BCO2: variants seen among roughly 807,000 people sequenced by gnomAD.
BCO2 encodes carotenoid-cleaving dioxygenase, mitochondrial.
A neutral mutation model predicts 65.8 loss-of-function variants in BCO2; 56 were observed. The ratio of observed to expected loss-of-function variants is 0.85; its 90% confidence interval spans 0.69 to 1.06. The LOEUF (loss-of-function observed/expected upper bound fraction) is 1.06, where lower values mean the gene tolerates loss of function less well. Ranked by LOEUF, BCO2 falls within the 50% of genes least tolerant of loss-of-function variation. BCO2 has a pLI of 0.00. For missense variants in BCO2, 675 were observed against 698.5 expected, an observed-to-expected ratio of 0.97 and a Z score of 0.38; for synonymous variants, 233 against 242.3, an observed-to-expected ratio of 0.96 and a Z score of 0.36.
chr11:112,184,830 A>G (rs1025372860), intron 2 of BCO2, among the ~76,000 whole-genome samples: 5 of 152,266 alleles, frequency 3.3e-5, no homozygotes, highest in South Asian at 2.1e-4. Context: ...GCTGTGTCCA[A>G]ATGGGTTCTG....
chr11:112,208,966 AT>A (rs1400308234), intron 8 of BCO2: 1 of 153,838 alleles, frequency 6.5e-6, no homozygotes, highest in Non-Finnish European at 1.5e-5. Flanking sequence ...CCAAAAAAAA[AT>A]AGACTGTTTT....
rs1566806742 is a variant in BCO2, at chr11:112,217,920, A to C, written c.*46A>C. ...GAAACTAGGTTTAAAATAAGTGTGC[A>C]CTTGGACATAAAGACTGGAGAAATA... On this transcript the variant is annotated 3_prime_UTR_variant, in exon 12 of 12. Coordinates refer to ENST00000357685, the MANE Select transcript of BCO2 (RefSeq NM_031938.7). 1 of 1,352,812 alleles carries C rather than the reference A, an allele frequency of 7.4e-7. No homozygotes were observed. The highest frequency in any genetic ancestry group is 1.0e-6 in the Non-Finnish European group (1 of 959,124). The allele number at this position is 1,352,812 out of a possible 1,614,324, so 83.8% of individuals were successfully genotyped here. A position where few individuals can be genotyped will look rare whatever the true frequency, so the allele number is the denominator to read the frequency against.
At chr11:112,204,831 C>T (rs1462657914) in intron 8 of BCO2, among the ~76,000 whole-genome samples, 1 of 152,092 alleles carries the variant, frequency 6.6e-6, no homozygotes. Flanking sequence ...TGCCACCATG[C>T]CCGTTGTATT....
chr11:112,194,251 C>A, intron 4 of BCO2: 1 of 447,274 alleles, frequency 2.2e-6, no homozygotes, highest in South Asian at 2.7e-5. Flanking sequence ...GAGTACTGAT[C>A]TACTTTGGCT....
intron 8 of BCO2, among the ~76,000 whole-genome samples, chr11:112,212,063 A>ACT (rs10634064): frequency 0.97 from 148,120 of 152,244 alleles, 72,084 homozygotes; most frequent in East Asian, 1. Flanking sequence ...AAAGCTAATA[A>ACT]CTTTATGAAT....
intron 2 of BCO2, among the ~76,000 whole-genome samples, chr11:112,188,530 G>T (rs1192352906): frequency 2.0e-5 from 3 of 152,048 alleles, no homozygotes; most frequent in African/African-American, 7.2e-5. Context: ...GGGCAGACCT[G>T]TTTCTCCAAC....
intron 8 of BCO2, among the ~76,000 whole-genome samples, chr11:112,205,974 T>A (rs1867855248): frequency 6.6e-6 from 1 of 152,114 alleles, no homozygotes; most frequent in Non-Finnish European, 1.5e-5. Context: ...TTAATTAATT[T>A]ATTTTTAACT....
At chr11:112,213,459 T>C (rs1259483043) in intron 8 of BCO2, among the ~76,000 whole-genome samples, 2 of 152,140 alleles carry the variant, frequency 1.3e-5, no homozygotes, top group Non-Finnish European at 2.9e-5. Flanking sequence ...ATTTTATAAT[T>C]TTTAAATTTC....
At chr11:112,187,621 A>G (rs1319589069) in intron 2 of BCO2, among the ~76,000 whole-genome samples, 2 of 151,844 alleles carry the variant, frequency 1.3e-5, no homozygotes, top group African/African-American at 2.4e-5. Context: ...GGACAGCTGC[A>G]TTTGAACTCC....
intron 2 of BCO2, chr11:112,181,981 A>G (rs1448897287): frequency 4.1e-6 from 2 of 488,822 alleles, no homozygotes; most frequent in Non-Finnish European, 7.4e-6. Context: ...TCCAGAATCT[A>G]CAAAGAACTT....
chr11:112,206,359 C>T (rs371234132), intron 8 of BCO2, among the ~76,000 whole-genome samples: 3 of 148,764 alleles, frequency 2.0e-5, no homozygotes, highest in South Asian at 2.2e-4. Context: ...AGACGGTGGG[C>T]GGCCGGGCAG....
chr11:112,193,397 T>A, intron 2 of BCO2, 77 bp from the exon 3 acceptor site: 1 of 1,281,978 alleles, frequency 7.8e-7, no homozygotes, highest in South Asian at 1.3e-5. Flanking sequence ...ATATTTGAAA[T>A]GAAGATCTAT....
chr11:112,187,141 A>G (rs1055211730), intron 2 of BCO2, among the ~76,000 whole-genome samples: 2 of 152,052 alleles, frequency 1.3e-5, no homozygotes, highest in Non-Finnish European at 2.9e-5. Flanking sequence ...CATTAAACTT[A>G]TTTTTTTCAT....
chr11:112,189,404 AT>A (rs869063108), intron 2 of BCO2, among the ~76,000 whole-genome samples: 15,052 of 79,214 alleles, frequency 0.19, 781 homozygotes, highest in East Asian at 0.33. Context: ...AGAAAAGGAA[AT>A]TTTTTTTTTT....
chr11:112,179,683 G>A, intron 2 of BCO2: 1 of 584,732 alleles, frequency 1.7e-6, no homozygotes, highest in Non-Finnish European at 3.0e-6. Context: ...GTAGACTATT[G>A]TAAATTTGAA....
chr11:112,193,193 C>T (rs921128422), intron 2 of BCO2, among the ~76,000 whole-genome samples: 6 of 150,920 alleles, frequency 4.0e-5, no homozygotes, highest in Admixed American at 1.3e-4. Context: ...TTAGCCAGGA[C>T]GGTCTTGATC....
chr11:112,187,463 A>G (rs1322514901), intron 2 of BCO2, among the ~76,000 whole-genome samples: 1 of 151,316 alleles, frequency 6.6e-6, no homozygotes, highest in Non-Finnish European at 1.5e-5. Context: ...TGGTGCTGCC[A>G]GGAATCTTTA....
intron 2 of BCO2, chr11:112,183,050 G>A (rs764940609): frequency 1.2e-5 from 14 of 1,169,314 alleles, no homozygotes; most frequent in Middle Eastern, 2.8e-4. Flanking sequence ...TCAGAGGAGC[G>A]ACTCTGGCAG....
At chr11:112,206,354 G>A (rs1185645852) in intron 8 of BCO2, among the ~76,000 whole-genome samples, 2 of 151,242 alleles carry the variant, frequency 1.3e-5, no homozygotes, top group Non-Finnish European at 1.5e-5. Context: ...TTCCCAGACG[G>A]TGGGCGGCCG....
Sources: gnomAD v4.1 joint callset for allele counts (sites outside exome capture counted in the v4.1 genomes callset) on GRCh38, gnomAD v4.1.1 for gene constraint, MANE v1.5 for transcripts, NCBI Gene and HGNC (gene_info 2026-07-23, HGNC 2026-07-21) for gene names.